PLXDC2: variants seen among roughly 807,000 people sequenced by gnomAD.
PLXDC2 encodes the protein plexin domain containing 2.
Under a neutral mutation model 68.9 loss-of-function variants are expected in PLXDC2, and 40 were observed. The observed-to-expected ratio is 0.58, with a 90% CI of 0.45 to 0.76. The LOEUF (loss-of-function observed/expected upper bound fraction) is 0.76, where lower values mean the gene tolerates loss of function less well. Ranked by LOEUF, PLXDC2 falls within the 30% of genes least tolerant of loss-of-function variation. The pLI, the probability that PLXDC2 is intolerant of heterozygous loss-of-function variation, is 0.00. For missense variants in PLXDC2, 644 were observed against 661.9 expected, an observed-to-expected ratio of 0.97 and a Z score of 0.30; for synonymous variants, 243 against 234.2, an observed-to-expected ratio of 1.04 and a Z score of -0.34.
intron 13 of PLXDC2, among the ~76,000 whole-genome samples, chr10:20,249,566 A>G (rs1403801361): frequency 6.6e-6 from 1 of 151,924 alleles, no homozygotes; most frequent in Non-Finnish European, 1.5e-5. Context: ...ATCTCCTACC[A>G]CTAACGTTGA....
Position 19,917,545 on chromosome 10 carries a change from A to G in PLXDC2, c.113-84230A>G, listed in dbSNP as rs566979863. On this transcript the variant is annotated intron_variant, in intron 1 of 13. Coordinates refer to ENST00000377252, the MANE Select transcript of PLXDC2 (RefSeq NM_032812.9). The stretch of plus-strand genomic sequence containing the variant: ...AAATATCTGATTCAGTTCAGCCTCA[A>G]TCCTTTTCAGCAATGAAAGGGAATG... 3.3e-5 allele frequency among the ~76,000 whole-genome samples: 5 copies of G among 152,234 alleles called. No homozygotes were observed. The East Asian group carries it at 7.7e-4, about 24-fold the overall frequency.
chr10:19,871,896 A>C (rs968334721), intron 1 of PLXDC2, among the ~76,000 whole-genome samples: 2 of 151,904 alleles, frequency 1.3e-5, no homozygotes, highest in Admixed American at 6.6e-5. Flanking sequence ...AAAAAAAAAA[A>C]AAACACAAAA....
chr10:19,984,540 T>C (rs986502827), intron 1 of PLXDC2, among the ~76,000 whole-genome samples: 1 of 152,220 alleles, frequency 6.6e-6, no homozygotes, highest in Non-Finnish European at 1.5e-5. Flanking sequence ...GGTAGAAACA[T>C]GTTAATTGTG....
intron 1 of PLXDC2, among the ~76,000 whole-genome samples, chr10:19,915,278 A>C (rs1054891648): frequency 6.6e-6 from 1 of 152,004 alleles, no homozygotes; most frequent in Non-Finnish European, 1.5e-5. Flanking sequence ...TGTTTCTGAG[A>C]ATATCTTTTT....
intron 1 of PLXDC2, among the ~76,000 whole-genome samples, chr10:19,933,170 C>T (rs536815162): frequency 6.6e-6 from 1 of 152,038 alleles, no homozygotes; most frequent in Non-Finnish European, 1.5e-5. Context: ...AGCAAAGGTT[C>T]TACGTCAGCA....
intron 2 of PLXDC2, among the ~76,000 whole-genome samples, chr10:20,012,213 T>C (rs1484327627): frequency 2.0e-5 from 3 of 151,992 alleles, no homozygotes; most frequent in East Asian, 3.9e-4. Flanking sequence ...ATTTACACTC[T>C]GCTAAATATT....
intron 1 of PLXDC2, among the ~76,000 whole-genome samples, chr10:19,998,776 G>T (rs1293453979): frequency 1.0e-4 from 15 of 149,878 alleles, no homozygotes; most frequent in Non-Finnish European, 8.9e-5. Flanking sequence ...GCAAGCGAGA[G>T]ATACAAAATC....
intron 1 of PLXDC2, among the ~76,000 whole-genome samples, chr10:19,885,146 G>A (rs966400959): frequency 6.6e-6 from 1 of 152,138 alleles, no homozygotes. Flanking sequence ...CTGCATAAAT[G>A]TCTTCTTTTG....
chr10:20,176,875 G>A, intron 7 of PLXDC2, 124 bp from the exon 8 acceptor site: 2 of 643,866 alleles, frequency 3.1e-6, no homozygotes, highest in Non-Finnish European at 5.2e-6. Flanking sequence ...CTTCTCACAG[G>A]ATGAGGCTTA....
chr10:19,966,425 T>C (rs1834261784), intron 1 of PLXDC2, among the ~76,000 whole-genome samples: 1 of 151,018 alleles, frequency 6.6e-6, no homozygotes, highest in Non-Finnish European at 1.5e-5. Flanking sequence ...ATAAAAAATA[T>C]ATATGTGCAC....
chr10:20,044,183 TTCTTTCTTTCTC>T lies in PLXDC2; in HGVS notation c.325-2682_325-2671del, dbSNP rs1463975824. Among the ~76,000 whole-genome samples the T allele has an allele frequency of 1.6e-3, 193 of 123,480 alleles. 5 individuals carry two copies. The highest frequency in any genetic ancestry group is 6.5e-3 in the African/African-American group (175 of 27,070). The allele number at this position is 123,480 out of a possible 152,430, so 81.0% of individuals were successfully genotyped here. ...CCTTCCTCTTTCTTTCTTTCCTTCT[TTCTTTCTTTCTC>T]TCTCTCTCTCTCTCTGTCTTTCTTT... On this transcript the variant is annotated intron_variant, in intron 2 of 13. Transcript: ENST00000377252.
rs1281599540 is a variant in PLXDC2 at position 20,044,205 on chromosome 10, CTCTCTGTCTT to C, written c.325-2660_325-2651del. Among the ~76,000 whole-genome samples, 32 of 105,064 alleles carry C rather than the reference CTCTCTGTCTT, an allele frequency of 3.0e-4. 1 individual carries two copies. The highest frequency in any genetic ancestry group is 1.5e-3 in the South Asian group (4 of 2,752). 68.9% of individuals were successfully genotyped at this position (105,064 alleles called of 152,430 possible). On this transcript the variant is annotated intron_variant, in intron 2 of 13. Transcript: ENST00000377252. ...TCTTTCTTTCTTTCTCTCTCTCTCT[CTCTCTGTCTT>C]TCTTTCTTTCTTTCTTTCTTTCTTT...
intron 3 of PLXDC2, among the ~76,000 whole-genome samples, chr10:20,052,872 C>T (rs113631711): frequency 1.3e-3 from 192 of 152,122 alleles, no homozygotes; most frequent in African/African-American, 4.4e-3. Context: ...AAGGCAACTT[C>T]CCACACACTT....
chr10:19,952,442 A>G (rs539387158), intron 1 of PLXDC2, among the ~76,000 whole-genome samples: 3 of 152,348 alleles, frequency 2.0e-5, no homozygotes, highest in Non-Finnish European at 2.9e-5. Context: ...CCTTAATTGA[A>G]TAAATACCGT....
Position 20,280,137 on chromosome 10 carries a change from G to A in PLXDC2, c.*318G>A, listed in dbSNP as rs187250848. ...ATGCTTTTGGCTTAGGTGCAGGGTT[G>A]CAAAGGGATCAGAAAAAAAAAATCA... On this transcript the variant is annotated 3_prime_UTR_variant, in exon 14 of 14. Transcript: ENST00000377252. The A allele has an allele frequency of 3.5e-4, 80 of 229,968 alleles. No individual in the cohort carries two copies. Among genetic ancestry groups the A allele is most frequent in the African/African-American group, 1.7e-3 (76 of 44,330 alleles). The allele number at this position is 229,968 out of a possible 1,614,324, so 14.2% of individuals were successfully genotyped here. A position where few individuals can be genotyped will look rare whatever the true frequency, so the allele number is the denominator to read the frequency against.
intron 1 of PLXDC2, among the ~76,000 whole-genome samples, chr10:19,996,759 G>A (rs1834850977): frequency 6.6e-6 from 1 of 152,120 alleles, no homozygotes; most frequent in Non-Finnish European, 1.5e-5. Context: ...CCATGTGGCT[G>A]GGGAGGCCTC....
intron 1 of PLXDC2, among the ~76,000 whole-genome samples, chr10:19,952,967 C>T (rs780286185): frequency 6.6e-6 from 1 of 151,956 alleles, no homozygotes; most frequent in Non-Finnish European, 1.5e-5. Flanking sequence ...TGGATTCAGG[C>T]GATTCTCCTG....
chr10:20,102,327 A>T (rs1398479827), intron 4 of PLXDC2, among the ~76,000 whole-genome samples: 1 of 152,208 alleles, frequency 6.6e-6, no homozygotes, highest in African/African-American at 2.4e-5. Context: ...CCTAAATTGC[A>T]GTACATTTGC....
chr10:20,061,522 G>A (rs1398666351), intron 3 of PLXDC2, among the ~76,000 whole-genome samples: 1 of 152,128 alleles, frequency 6.6e-6, no homozygotes, highest in East Asian at 1.9e-4. Flanking sequence ...TGGTTAAGGT[G>A]ATACCTACCA....
Sources: gnomAD v4.1 joint callset for allele counts (sites outside exome capture counted in the v4.1 genomes callset) on GRCh38, gnomAD v4.1.1 for gene constraint, MANE v1.5 for transcripts, NCBI Gene and HGNC (gene_info 2026-07-23, HGNC 2026-07-21) for gene names.